The following ZNF469 variants were observed in gnomAD, a reference collection of about 807,000 sequenced individuals.
ZNF469 encodes the protein zinc finger protein 469.
In ZNF469, 1 loss-of-function variant was observed where a neutral mutation model predicts 1.0. That is an observed-to-expected ratio of 1.00 (90% confidence interval 0.35 to 4.73). ZNF469 has a LOEUF of 4.73. Ranked by LOEUF, ZNF469 falls within the 30% of genes most tolerant of loss-of-function variation. The pLI, the probability that ZNF469 is intolerant of heterozygous loss-of-function variation, is 0.16. For synonymous variants in ZNF469, 2,703 were observed against 2,363.4 expected (o/e 1.14, Z -4.17); for missense variants, 6,100 against 5,356.3 (o/e 1.14, Z -4.33).
At position 88,438,069 on chromosome 16, in the gene ZNF469, C is replaced by T. The variant is rs78022634; in HGVS notation, c.10599C>T (p.Pro3533=). 4,483 of 1,550,404 alleles carry T rather than the reference C, an allele frequency of 2.9e-3. 114 individuals are homozygous for T. In the African/African-American group the frequency reaches 0.053, roughly 18 times the overall value. ...AGACCCTAGAGAGGCCTGTAGACCC[C>T]GTGACCCACCCGATCAGAGGTTGTG... ...WPETLERPVD[P]VTHPIRGCEL... The change falls in exon 3 of 3, where the codon CCC becomes CCT. Residue 3533 remains proline (P), a synonymous_variant. Transcript: ENST00000565624.
intron 1 of ZNF469, among the ~76,000 whole-genome samples, chr16:88,414,756 C>T (rs1048111830): frequency 1.8e-4 from 27 of 152,376 alleles, no homozygotes; most frequent in Admixed American, 9.1e-4. Context: ...CTTCAGTGCC[C>T]GGGCGGCACA....
the ZNF469 span, among the ~76,000 whole-genome samples, chr16:88,315,905 C>G: frequency 2.6e-5 from 4 of 152,320 alleles, 1 homozygote; most frequent in East Asian, 7.7e-4. Context: ...CCTCGCCCGC[C>G]CAGGCTGCCT....
the ZNF469 span, among the ~76,000 whole-genome samples, chr16:88,137,671 CTG>C: frequency 1.3e-5 from 2 of 152,204 alleles, no homozygotes; most frequent in East Asian, 1.9e-4. Context: ...GTGCCTGTAA[CTG>C]TGTGTGTATA....
the ZNF469 span, among the ~76,000 whole-genome samples, chr16:88,219,737 C>T: frequency 6.6e-6 from 1 of 152,176 alleles, no homozygotes; most frequent in Non-Finnish European, 1.5e-5. Context: ...TGGGGCCTTC[C>T]ATATATCCCA....
chr16:88,259,725 C>A, the ZNF469 span, among the ~76,000 whole-genome samples: 170 of 150,752 alleles, frequency 1.1e-3, 1 homozygote, highest in East Asian at 0.026. This position sits in a 1 kb window ranked among gnomAD's most constrained non-coding sequence, Gnocchi z 4.1. Flanking sequence ...GTCCCAGGGT[C>A]TCCACACACC....
At chr16:88,289,398 G>C in the ZNF469 span, among the ~76,000 whole-genome samples, 1 of 150,836 alleles carries the variant, frequency 6.6e-6, no homozygotes, top group South Asian at 2.1e-4. Flanking sequence ...TGATCATGAT[G>C]ATGGTGATGA....
At chr16:88,272,747 C>T in the ZNF469 span, among the ~76,000 whole-genome samples, 649 of 143,662 alleles carry the variant, frequency 4.5e-3, 5 homozygotes, top group African/African-American at 0.016. Flanking sequence ...GATGGATGAA[C>T]GGGTGGGTGT....
chr16:88,434,853 C>G lies in ZNF469; in HGVS notation c.7383C>G (p.Gly2461=). ...YKKKPASTEN[G]QWKGQAPHGP... ...AGAAGCCTGCATCTACAGAGAACGGCCAGTGGAAGGGCCAAGCTCCACATG... is the reference window on the plus strand; with the variant it reads ...AGAAGCCTGCATCTACAGAGAACGGGCAGTGGAAGGGCCAAGCTCCACATG... Residue 2461 remains glycine, a synonymous_variant, in exon 3 of 3, where the codon GGC becomes GGG. Coordinates refer to ENST00000565624, the MANE Select transcript of ZNF469 (RefSeq NM_001367624.2). 1.9e-6 allele frequency: 3 copies of G among 1,550,354 alleles called. No individual in the cohort carries two copies.
chr16:88,380,095 G>A (rs935657589), upstream of ZNF469, among the ~76,000 whole-genome samples: 6 of 148,118 alleles, frequency 4.1e-5, no homozygotes, highest in Non-Finnish European at 9.0e-5. Flanking sequence ...ACACACAAAT[G>A]CACTCACAGA....
chr16:88,130,013 C>T, the ZNF469 span, among the ~76,000 whole-genome samples: 1 of 152,118 alleles, frequency 6.6e-6, no homozygotes, highest in African/African-American at 2.4e-5. Context: ...CCTGTGGTGG[C>T]AGAAGTTTCT....
Position 88,405,550 on chromosome 16 carries a change from G to A in ZNF469, c.-191-19257G>A, listed in dbSNP as rs1905004757. 2.0e-5 allele frequency among the ~76,000 whole-genome samples: 3 copies of A among 152,200 alleles called. No homozygotes were observed. In the South Asian group the frequency reaches 6.2e-4, roughly 31 times the overall value. On this transcript the variant is annotated intron_variant, in intron 1 of 2. Coordinates refer to ENST00000565624, the MANE Select transcript of ZNF469 (RefSeq NM_001367624.2). ...TTGCATCAGGGCCTTGGGGGCTGGA[G>A]AGGACTCCAGTGGGAAGGGCTGGGG... is the stretch of plus-strand genomic sequence containing the variant.
At chr16:88,140,630 G>A in the ZNF469 span, among the ~76,000 whole-genome samples, 3 of 152,306 alleles carry the variant, frequency 2.0e-5, no homozygotes, top group African/African-American at 4.8e-5. Flanking sequence ...ATAGAAACAG[G>A]TAAGTGGATT....
Position 88,433,607 on chromosome 16 carries a change from T to C in ZNF469, c.6137T>C (p.Met2046Thr). 6.5e-7 allele frequency: 1 copy of C among 1,550,278 alleles called. No homozygotes were observed. ...LEKCKGSRAA[M>T]SLQEEAEPTP... is the part of the protein sequence containing the mutation. Reference sequence around the variant, plus strand: ...AAATGCAAGGGAAGCAGGGCAGCCATGAGCCTTCAGGAGGAGGCCGAGCCC... The same window carrying C: ...AAATGCAAGGGAAGCAGGGCAGCCACGAGCCTTCAGGAGGAGGCCGAGCCC... The change falls in exon 3 of 3, where the codon ATG becomes ACG. Residue 2046 changes from methionine (M) to threonine (T), a missense_variant. Transcript: ENST00000565624.
the ZNF469 span, among the ~76,000 whole-genome samples, chr16:88,273,804 ATTT>A: frequency 3.7e-5 from 5 of 135,250 alleles, no homozygotes; most frequent in Admixed American, 7.8e-5. Flanking sequence ...ACTGTGGAAT[ATTT>A]TTTTTTTTTT....
At chr16:88,135,117 C>T in the ZNF469 span, among the ~76,000 whole-genome samples, 1 of 152,228 alleles carries the variant, frequency 6.6e-6, no homozygotes, top group Non-Finnish European at 1.5e-5. Context: ...AATGGGCACT[C>T]CCTGCTGGCG....
At chr16:88,370,695 C>T in the ZNF469 span, among the ~76,000 whole-genome samples, 1 of 152,150 alleles carries the variant, frequency 6.6e-6, no homozygotes, top group Non-Finnish European at 1.5e-5. Context: ...GGCAAGTGAA[C>T]ACAGCAGCAA....
chr16:88,275,023 T>A, the ZNF469 span, among the ~76,000 whole-genome samples: 1 of 151,914 alleles, frequency 6.6e-6, no homozygotes, highest in South Asian at 2.1e-4. Flanking sequence ...ACAGAGTGAG[T>A]GTGTGGGAGG....
At chr16:88,337,265 T>C in the ZNF469 span, among the ~76,000 whole-genome samples, 1 of 152,236 alleles carries the variant, frequency 6.6e-6, no homozygotes, top group Admixed American at 6.5e-5. Context: ...GGCGGGCCTT[T>C]CCCATGCTGT....
Position 88,405,756 on chromosome 16 carries a change from G to A in ZNF469, c.-191-19051G>A, listed in dbSNP as rs1283644825. Among the ~76,000 whole-genome samples, 6 of 152,160 alleles carry A rather than the reference G, an allele frequency of 3.9e-5. No homozygotes were observed. The East Asian group carries it at 9.6e-4, about 24-fold the overall frequency. On this transcript the variant is annotated intron_variant, in intron 1 of 2. Transcript: ENST00000565624. ...TCCAAGCCGCCTCGGTGGGGCCACA[G>A]CGTCTGTCCCGGTCATAGCCCGCCC...
Sources: allele counts gnomAD v4.1 joint callset (sites outside exome capture counted in the v4.1 genomes callset), GRCh38; gene constraint gnomAD v4.1.1; non-coding constraint Gnocchi (gnomAD v3.1); transcripts MANE v1.5; gene names NCBI Gene and HGNC (gene_info 2026-07-23, HGNC 2026-07-21).